The following CFAP70 variants were observed in gnomAD, a reference collection of about 807,000 sequenced individuals.
CFAP70 encodes cilia- and flagella-associated protein 70.
In CFAP70, 81 loss-of-function variants were observed where a neutral mutation model predicts 137.6. The ratio of observed to expected loss-of-function variants is 0.59; its 90% CI spans 0.49 to 0.71. The LOEUF is 0.71. Among genes scored for constraint, CFAP70 ranks in the 30% least tolerant of loss-of-function variants. The pLI is 0.00. For missense variants in CFAP70, 976 were observed against 1,226.7 expected (o/e 0.80, Z 3.05); for synonymous variants, 382 against 423.6 (o/e 0.90, Z 1.20).
intron 8 of CFAP70, among the ~76,000 whole-genome samples, chr10:73,326,709 C>T (rs2051473022): frequency 1.3e-5 from 2 of 152,092 alleles, no homozygotes; most frequent in South Asian, 4.2e-4. Flanking sequence ...GGATGAACAC[C>T]TCTACACAAA....
chr10:73,259,433 T>G (rs1264142361), intron 25 of CFAP70, among the ~76,000 whole-genome samples: 2 of 152,132 alleles, frequency 1.3e-5, no homozygotes, highest in African/African-American at 2.4e-5. Flanking sequence ...AACTGCATAT[T>G]CCTATATTGT....
chr10:73,355,571 T>A (rs1162439197), intron 1 of CFAP70, among the ~76,000 whole-genome samples: 1 of 151,820 alleles, frequency 6.6e-6, no homozygotes, highest in Non-Finnish European at 1.5e-5. Context: ...AAGTCAGGAG[T>A]TCGAGATCAG....
rs1215884574 is a variant in CFAP70 at position 73,357,855 on chromosome 10, G to GA, written c.-40+858dup. Among the ~76,000 whole-genome samples, 8 of 152,306 alleles carry GA rather than the reference G, an allele frequency of 5.3e-5. No individual in the cohort carries two copies. In the East Asian group the frequency reaches 1.3e-3, roughly 26 times the overall value. On this transcript the variant is annotated intron_variant, in intron 1 of 26. Coordinates refer to ENST00000310715, the Ensembl canonical transcript of CFAP70. The stretch of plus-strand genomic sequence containing the variant: ...CCAGCTCAAATGCTTCCTAGTCCAT[G>GA]AAGCTTCCCAGTCGGAAAAACTTGC...
intron 5 of CFAP70, among the ~76,000 whole-genome samples, chr10:73,344,669 A>G (rs930776889): frequency 6.6e-6 from 1 of 152,242 alleles, no homozygotes; most frequent in Non-Finnish European, 1.5e-5. Context: ...AAGAAACTCC[A>G]TATCCAATCA....
At chr10:73,309,728 C>T (rs1435098716) in intron 12 of CFAP70, among the ~76,000 whole-genome samples, 1 of 149,634 alleles carries the variant, frequency 6.7e-6, no homozygotes, top group Non-Finnish European at 1.5e-5. Context: ...GCGATCTCGG[C>T]TCACTGCAAC....
At chr10:73,350,601 T>C (rs935544930) in intron 3 of CFAP70, among the ~76,000 whole-genome samples, 1 of 152,118 alleles carries the variant, frequency 6.6e-6, no homozygotes. Flanking sequence ...TCTTTTACAG[T>C]TGCTAATGAA....
chr10:73,291,561 G>T, intron 18 of CFAP70, 79 bp downstream of exon 19: 1 of 1,477,576 alleles, frequency 6.8e-7, no homozygotes, highest in Non-Finnish European at 9.3e-7. Flanking sequence ...TACATGATGA[G>T]CCATTGAAGA....
chr10:73,352,089 T>C (rs900495034), intron 3 of CFAP70, among the ~76,000 whole-genome samples: 4 of 152,204 alleles, frequency 2.6e-5, no homozygotes, highest in African/African-American at 9.7e-5. Context: ...GTTCTGACTC[T>C]AAACTAGGCC....
chr10:73,320,106 T>C (rs2050722954), intron 9 of CFAP70, among the ~76,000 whole-genome samples: 1 of 152,184 alleles, frequency 6.6e-6, no homozygotes. Context: ...ATTTTGTTTA[T>C]GAAGGTTTAT....
intron 19 of CFAP70, among the ~76,000 whole-genome samples, chr10:73,282,063 A>G (rs1265055374): frequency 5.9e-5 from 9 of 152,134 alleles, no homozygotes; most frequent in Admixed American, 5.9e-4. Flanking sequence ...GGATCCCCCA[A>G]AGCCAAATAA....
chr10:73,348,170 T>C (rs770078123), intron 4 of CFAP70: 8 of 1,614,120 alleles, frequency 5.0e-6, no homozygotes, highest in Non-Finnish European at 6.8e-6. Flanking sequence ...GCACTTGATC[T>C]AGGAGTTTCT....
In CFAP70 at chr10:73,341,593, G is replaced by A. The variant is rs767700414; in HGVS notation, c.400-12C>T. 1.2e-6 allele frequency: 2 copies of A among 1,607,382 alleles called. No homozygotes were observed. The highest frequency in any genetic ancestry group is 1.7e-6 in the Non-Finnish European group (2 of 1,177,646). Reference sequence around the variant, plus strand: ...ATGGGATAGTCCTTCTACAGAAATAGATACCATATGTCAGGAAAATTTGTA... The same window carrying A: ...ATGGGATAGTCCTTCTACAGAAATAAATACCATATGTCAGGAAAATTTGTA... On this transcript the variant is annotated splice_polypyrimidine_tract_variant and intron_variant, in intron 5 of 26. Transcript: ENST00000310715.
intron 9 of CFAP70, among the ~76,000 whole-genome samples, chr10:73,313,232 C>T (rs1407558299): frequency 2.6e-5 from 4 of 151,806 alleles, no homozygotes; most frequent in African/African-American, 7.3e-5. Context: ...ATTAGCCAGG[C>T]GTGGTGGCGG....
exon 26 of CFAP70, chr10:73,256,369 C>A: frequency 1.9e-6 from 3 of 1,614,092 alleles, no homozygotes; most frequent in Non-Finnish European, 1.7e-6. Flanking sequence ...TGTGTCATAC[C>A]TTGATCATGT....
At chr10:73,358,048 A>G (rs1342319603) in intron 1 of CFAP70, among the ~76,000 whole-genome samples, 1 of 152,250 alleles carries the variant, frequency 6.6e-6, no homozygotes, top group Non-Finnish European at 1.5e-5. Flanking sequence ...TGTAAAATGG[A>G]TAACTTCCAA....
intron 7 of CFAP70, 88 bp downstream of exon 8, chr10:73,335,342 C>G: frequency 1.2e-6 from 1 of 801,626 alleles, no homozygotes; most frequent in Non-Finnish European, 2.0e-6. Flanking sequence ...CACCTTAACT[C>G]AAATATAAAT....
At chr10:73,323,138 A>G (rs1406526897) in intron 8 of CFAP70, 41 bp from the exon 10 acceptor site, 1 of 1,557,016 alleles carries the variant, frequency 6.4e-7, no homozygotes, top group South Asian at 1.3e-5. Flanking sequence ...GCTATAAGCA[A>G]TGTAATATAA....
At chr10:73,321,930 C>T (rs1215342408) in intron 9 of CFAP70, among the ~76,000 whole-genome samples, 1 of 152,080 alleles carries the variant, frequency 6.6e-6, no homozygotes, top group Non-Finnish European at 1.5e-5. Flanking sequence ...ATTACAGATG[C>T]CTGCCACCAC....
chr10:73,280,460 T>A (rs1480151879), intron 19 of CFAP70, among the ~76,000 whole-genome samples: 1 of 152,192 alleles, frequency 6.6e-6, no homozygotes, highest in African/African-American at 2.4e-5. Context: ...TTGTAAGTGT[T>A]CTCTTTTTCT....
Sources: allele counts gnomAD v4.1 joint callset (sites outside exome capture counted in the v4.1 genomes callset), GRCh38; gene constraint gnomAD v4.1.1; transcripts MANE v1.5; gene names NCBI Gene and HGNC (gene_info 2026-07-23, HGNC 2026-07-21).